DPP10: variants seen among roughly 807,000 people sequenced by gnomAD.
DPP10 encodes inactive dipeptidyl peptidase 10.
Under a neutral mutation model 120.9 loss-of-function variants are expected in DPP10, and 33 were observed. The observed-to-expected ratio is 0.27, with a 90% CI of 0.21 to 0.37. The LOEUF is 0.37. DPP10 is among the 10% of genes least tolerant of loss of function. The pLI, the probability that DPP10 is intolerant of heterozygous loss-of-function variation, is 1.00. For missense variants in DPP10, 816 were observed against 942.8 expected, an observed-to-expected ratio of 0.87 and a Z score of 1.76; for synonymous variants, 337 against 326.1, an observed-to-expected ratio of 1.03 and a Z score of -0.36.
intron 1 of DPP10, among the ~76,000 whole-genome samples, chr2:114,601,688 G>A (rs1692379664): frequency 6.6e-6 from 1 of 151,908 alleles, no homozygotes; most frequent in South Asian, 2.1e-4. Flanking sequence ...TTAAGCTCTT[G>A]GCTATGTTAC....
intron 7 of DPP10, among the ~76,000 whole-genome samples, chr2:115,714,381 T>C (rs1320234291): frequency 6.6e-6 from 1 of 152,214 alleles, no homozygotes; most frequent in East Asian, 1.9e-4. Context: ...AGGATCATGA[T>C]TTTTAAATGT....
At chr2:115,414,186 T>C (rs918780231) in intron 3 of DPP10, among the ~76,000 whole-genome samples, 5 of 152,158 alleles carry the variant, frequency 3.3e-5, no homozygotes, top group Admixed American at 1.3e-4. Context: ...AGAATCTTAT[T>C]TGAAACTTAA....
intron 1 of DPP10, among the ~76,000 whole-genome samples, chr2:115,115,641 A>G (rs1323516055): frequency 6.6e-6 from 1 of 152,212 alleles, no homozygotes; most frequent in East Asian, 1.9e-4. Flanking sequence ...TTCAGTGCAC[A>G]TTACAATACC....
At chr2:115,147,912 C>A (rs115271135) in intron 1 of DPP10, among the ~76,000 whole-genome samples, 1 of 152,054 alleles carries the variant, frequency 6.6e-6, no homozygotes, top group Non-Finnish European at 1.5e-5. Flanking sequence ...AGGGAAACCC[C>A]GTTTGGACCC....
intron 5 of DPP10, chr2:115,579,905 C>A (rs1230782259): frequency 1.3e-5 from 2 of 152,146 alleles, no homozygotes; most frequent in African/African-American, 4.8e-5. Flanking sequence ...TTTCGCTGCA[C>A]CTATGAACTC....
At chr2:114,788,450 T>A (rs1194949398) in intron 1 of DPP10, among the ~76,000 whole-genome samples, 2 of 148,526 alleles carry the variant, frequency 1.3e-5, no homozygotes, top group South Asian at 2.1e-4. Flanking sequence ...GGAGTCTCAC[T>A]CTGTCACCAG....
intron 1 of DPP10, among the ~76,000 whole-genome samples, chr2:115,119,688 C>T (rs1314229543): frequency 6.6e-6 from 1 of 152,148 alleles, no homozygotes; most frequent in Non-Finnish European, 1.5e-5. Context: ...GAATTCCACT[C>T]TGTTGTGTTT....
At chr2:115,151,034 T>G (rs985814775) in intron 1 of DPP10, among the ~76,000 whole-genome samples, 1 of 152,178 alleles carries the variant, frequency 6.6e-6, no homozygotes, top group Non-Finnish European at 1.5e-5. Context: ...AGAAGACTCC[T>G]CAAAAAACTC....
rs148331935 is a variant in DPP10, at chr2:114,918,804, G to T, written c.61-390435G>T. 3.3e-5 allele frequency among the ~76,000 whole-genome samples: 5 copies of T among 152,180 alleles called. No individual in the cohort carries two copies. The East Asian group carries it at 9.7e-4, about 29-fold the overall frequency. On this transcript the variant is annotated intron_variant, in intron 1 of 25. Coordinates refer to ENST00000410059, the MANE Select transcript of DPP10 (RefSeq NM_020868.6). ...CACTGGGAATTACTTAAGGGTGCAG[G>T]GTGGGAGGAGGGTGAGGACCGTAAA...
intron 2 of DPP10, among the ~76,000 whole-genome samples, chr2:115,317,192 C>T (rs2061837788): frequency 6.6e-6 from 1 of 152,124 alleles, no homozygotes; most frequent in Non-Finnish European, 1.5e-5. Flanking sequence ...AGTTGCTCCT[C>T]ATATCCCACC....
At chr2:114,766,038 C>T (rs1385894718) in intron 1 of DPP10, among the ~76,000 whole-genome samples, 1 of 151,516 alleles carries the variant, frequency 6.6e-6, no homozygotes, top group African/African-American at 2.4e-5. Context: ...AAATAAGAAA[C>T]GTATTTAGAC....
chr2:115,495,165 T>A (rs2148764330), intron 3 of DPP10, among the ~76,000 whole-genome samples: 1 of 151,726 alleles, frequency 6.6e-6, no homozygotes, highest in African/African-American at 2.4e-5. Context: ...ATGAATAGGG[T>A]TGGAAATCTA....
At chr2:115,230,697 T>C (rs1326121339) in intron 1 of DPP10, among the ~76,000 whole-genome samples, 2 of 152,050 alleles carry the variant, frequency 1.3e-5, no homozygotes, top group South Asian at 2.1e-4. Flanking sequence ...TCTAGAGATA[T>C]GTTAATGATT....
At chr2:115,646,101 C>G (rs182732517) in intron 5 of DPP10, among the ~76,000 whole-genome samples, 1 of 151,708 alleles carries the variant, frequency 6.6e-6, no homozygotes, top group Non-Finnish European at 1.5e-5. Flanking sequence ...CATGCACGTG[C>G]GTGCGCGCAC....
intron 1 of DPP10, among the ~76,000 whole-genome samples, chr2:114,556,248 T>TAC (rs1049718255): frequency 8.0e-6 from 1 of 124,750 alleles, no homozygotes; most frequent in Non-Finnish European, 1.7e-5. Flanking sequence ...TATATATATA[T>TAC]ATATATATAT....
chr2:114,633,270 T>TGCTTTGTC (rs1695077894), intron 1 of DPP10, among the ~76,000 whole-genome samples: 5 of 131,448 alleles, frequency 3.8e-5, no homozygotes, highest in African/African-American at 1.6e-4. Flanking sequence ...TTTTTTTTTT[T>TGCTTTGTC]TGACAGAGTC....
intron 1 of DPP10, among the ~76,000 whole-genome samples, chr2:114,874,751 G>T (rs979412012): frequency 2.0e-5 from 3 of 152,074 alleles, no homozygotes; most frequent in Admixed American, 6.6e-5. Context: ...GTGCCAAAAA[G>T]GTTGGGGACT....
chr2:114,872,538 C>T (rs188432450), intron 1 of DPP10, among the ~76,000 whole-genome samples: 21 of 152,312 alleles, frequency 1.4e-4, no homozygotes, highest in Middle Eastern at 3.4e-3. Context: ...CCCCTGGTGG[C>T]AGGCTTTATA....
intron 3 of DPP10, among the ~76,000 whole-genome samples, chr2:115,359,687 T>A (rs2064641708): frequency 6.6e-6 from 1 of 152,194 alleles, no homozygotes. Flanking sequence ...TAAATTTTTA[T>A]GAAATGTATT....
Sources: gnomAD v4.1 joint callset for allele counts (sites outside exome capture counted in the v4.1 genomes callset) on GRCh38, gnomAD v4.1.1 for gene constraint, MANE v1.5 for transcripts, NCBI Gene and HGNC (gene_info 2026-07-23, HGNC 2026-07-21) for gene names.